KLF10: variants seen among roughly 807,000 people sequenced by gnomAD.
The protein encoded by KLF10 is KLF transcription factor 10, also known as Krueppel-like factor 10.
Under a neutral mutation model 31.6 loss-of-function variants are expected in KLF10, and 17 were observed. That is an observed-to-expected ratio of 0.54 (90% CI 0.37 to 0.81). The LOEUF (loss-of-function observed/expected upper bound fraction) is 0.81. Ranked by LOEUF, KLF10 falls within the 30% of genes least tolerant of loss-of-function variation. The pLI is 0.00. For missense variants in KLF10, 525 were observed against 598.1 expected, an observed-to-expected ratio of 0.88 and a Z score of 1.27; for synonymous variants, 239 against 215.1, an observed-to-expected ratio of 1.11 and a Z score of -0.97.
rs750771704 is a variant in KLF10 at position 102,650,407 on chromosome 8, A to C, written c.1184-16T>G. The C allele has an allele frequency of 1.6e-5, 25 of 1,607,564 alleles. No individual in the cohort carries two copies. Among genetic ancestry groups the C allele is most frequent in the Admixed American group, 1.0e-4 (6 of 59,674 alleles). ...GGCTTTTCTCCTAAAACAAAGACAT[A>C]CAAATCATTATTATGCATAAGATTG... is the stretch of plus-strand genomic sequence containing the variant. On this transcript the variant is annotated splice_polypyrimidine_tract_variant and intron_variant, in intron 3 of 3. Coordinates refer to ENST00000285407, the MANE Select transcript of KLF10 (RefSeq NM_005655.4).
chr8:102,655,585 G>A lies in KLF10; in HGVS notation c.17C>T (p.Ala6Val). 1 of 1,614,166 alleles carries A rather than the reference G, an allele frequency of 6.2e-7. No individual in the cohort carries two copies. Among genetic ancestry groups the A allele is most frequent in the Non-Finnish European group, 8.5e-7 (1 of 1,180,002 alleles). Residue 6 changes from alanine to valine, a missense_variant, in exon 1 of 4, where the codon GCC becomes GTC. This residue lies in a region of KLF10 where 434 missense variants were observed against 450.7 expected (regional missense o/e 0.96). Transcript: ENST00000285407. MLNFGASLQQTAEERM... is the reference protein window; with the variant it reads MLNFGVSLQQTAEERM... ...ACTTACCGCAGTCTGCTGGAGAGAG[G>A]CACCGAAGTTGAGCATGGTTGGCTG...
At position 102,651,990 on chromosome 8, in the gene KLF10, T is replaced by C. The variant is rs1587834520; in HGVS notation, c.342A>G (p.Pro114=). The change falls in exon 3 of 4, where the codon CCA becomes CCG. Residue 114 remains proline, a synonymous_variant. Coordinates refer to ENST00000285407, the MANE Select transcript of KLF10 (RefSeq NM_005655.4). Reference sequence around the variant, plus strand: ...AGAGTGACTTGAAGTGTACAGTAGATGGCGCTGGTGCCATCAGATTTGACA... The same window carrying C: ...AGAGTGACTTGAAGTGTACAGTAGACGGCGCTGGTGCCATCAGATTTGACA... ...SQVSNLMAPA[P]STVHFKSLSD... 6 of 1,613,886 alleles carry C rather than the reference T, an allele frequency of 3.7e-6. No individual in the cohort carries two copies. The East Asian group carries it at 1.3e-4, about 36-fold the overall frequency.
intron 1 of KLF10, chr8:102,653,987 G>C (rs983994173): frequency 1.0e-6 from 1 of 985,290 alleles, no homozygotes; most frequent in Non-Finnish European, 1.2e-6. Context: ...TGAGTCACTG[G>C]GAACATTCCT....
Position 102,655,569 on chromosome 8 carries a change from A to G in KLF10, c.33T>C (p.Thr11=). 2 of 1,614,158 alleles carry G rather than the reference A, an allele frequency of 1.2e-6. No homozygotes were observed. Among genetic ancestry groups the G allele is most frequent in the Non-Finnish European group, 1.7e-6 (2 of 1,180,008 alleles). The change falls in exon 1 of 4, where the codon ACT becomes ACC. Residue 11 remains threonine, a synonymous_variant. Transcript: ENST00000285407. The part of the protein sequence containing the change: MLNFGASLQQ[T]AEERMEMISE... Reference sequence around the variant, plus strand: ...GGGGCATCCCCAAATGACTTACCGCAGTCTGCTGGAGAGAGGCACCGAAGT... The same window carrying G: ...GGGGCATCCCCAAATGACTTACCGCGGTCTGCTGGAGAGAGGCACCGAAGT...
chr8:102,653,657 T>A (rs2131082979), intron 1 of KLF10: 7 of 1,317,498 alleles, frequency 5.3e-6, no homozygotes, highest in Admixed American at 4.0e-5. Context: ...GAAATATCGC[T>A]AACAATATAA....
chr8:102,652,186 T>C lies in KLF10; in HGVS notation c.248A>G (p.Asp83Gly), dbSNP rs1827232339. ...TACAAATGCTGGGATTGTATGAAAA[T>C]CAGGTGTTCCCGGAAGCAGATTCTC... Reference protein sequence around the residue: ...EEENLLPGTPDFHTIPAFCLT... With the variant: ...EEENLLPGTPGFHTIPAFCLT... The change falls in exon 2 of 4, where the codon GAT becomes GGT. Residue 83 changes from aspartate (D) to glycine (G), a missense_variant. By Grantham distance (94) the Asp-to-Gly change is moderately conservative. Coordinates refer to ENST00000285407, the MANE Select transcript of KLF10 (RefSeq NM_005655.4). The C allele has an allele frequency of 4.4e-6, 7 of 1,599,500 alleles. No homozygotes were observed. Among genetic ancestry groups the C allele is most frequent in the Admixed American group, 1.7e-5 (1 of 59,012 alleles).
At position 102,652,018 on chromosome 8, in the gene KLF10, T is replaced by G. The variant is rs1242467104; in HGVS notation, c.314A>C (p.Gln105Pro). 1 of 1,612,668 alleles carries G rather than the reference T, an allele frequency of 6.2e-7. No homozygotes were observed. The highest frequency in any genetic ancestry group is 1.7e-5 in the Admixed American group (1 of 59,684). ...CGCTGGTGCCATCAGATTTGACACT[T>G]GAGAGGGTTCAAAGTCAGAAGGACT... is the stretch of plus-strand genomic sequence containing the variant. ...PYSPSDFEPSQVSNLMAPAPS... is the reference protein window; with the variant it reads ...PYSPSDFEPSPVSNLMAPAPS... The change falls in exon 3 of 4, where the codon CAA becomes CCA. Residue 105 changes from glutamine to proline, a missense_variant. Physicochemically the swap from Gln to Pro is moderately conservative, Grantham distance 76. Around this residue, in one of 3 missense-constraint regions of KLF10, gnomAD observed 434 missense variants for 450.7 expected, o/e 0.96. Coordinates refer to ENST00000285407, the MANE Select transcript of KLF10 (RefSeq NM_005655.4).
chr8:102,652,221 C>A lies in KLF10; in HGVS notation c.213G>T (p.Leu71Phe). The A allele has an allele frequency of 6.2e-7, 1 of 1,611,452 alleles. No individual in the cohort carries two copies. The highest frequency in any genetic ancestry group is 8.5e-7 in the Non-Finnish European group (1 of 1,178,332). The change falls in exon 2 of 4, where the codon TTG becomes TTT. Residue 71 changes from leucine to phenylalanine, a missense_variant. This residue lies in a region of KLF10 where 434 missense variants were observed against 450.7 expected (regional missense o/e 0.96). Coordinates refer to ENST00000285407, the MANE Select transcript of KLF10 (RefSeq NM_005655.4). ...ENRPVTPVSDLSEEENLLPGT... is the reference protein window; with the variant it reads ...ENRPVTPVSDFSEEENLLPGT... ...CCGGAAGCAGATTCTCTTCCTCTGA[C>A]AAATCAGATACTGGTGTAACAGGTC...
chr8:102,654,910 G>GAGCAACTT (rs1243546862), intron 1 of KLF10, among the ~76,000 whole-genome samples: 1 of 152,110 alleles, frequency 6.6e-6, no homozygotes, highest in African/African-American at 2.4e-5. Flanking sequence ...ACGTCTGGGG[G>GAGCAACTT]AGCAACTCGT....
At position 102,651,195 on chromosome 8, in the gene KLF10, T is replaced by C; in HGVS notation, c.1137A>G (p.Thr379=). Residue 379 remains threonine (T), a synonymous_variant, in exon 3 of 4, where the codon ACA becomes ACG. Transcript: ENST00000285407. Reference sequence around the variant, plus strand: ...CCTTCAGATGGGAACTTTTAAAGTATGTCTTGCCACATCCTGGGTGGCTAC... The same window carrying C: ...CCTTCAGATGGGAACTTTTAAAGTACGTCTTGCCACATCCTGGGTGGCTAC... ...HICSHPGCGK[T]YFKSSHLKAH... 3.3e-6 allele frequency: 5 copies of C among 1,522,302 alleles called. No individual in the cohort carries two copies. The highest frequency in any genetic ancestry group is 2.2e-5 in the Admixed American group (1 of 45,446). 94.3% of individuals were successfully genotyped at this position (1,522,302 alleles called of 1,614,324 possible).
rs1827227764 is a variant in KLF10, at chr8:102,652,063, TAAAGA to T, written c.271-7_271-3del. On this transcript the variant is annotated splice_region_variant and splice_polypyrimidine_tract_variant and intron_variant, in intron 2 of 3. Coordinates refer to ENST00000285407, the MANE Select transcript of KLF10 (RefSeq NM_005655.4). ...AGGACTGTAAGGTGGAGTCAAACAC[TAAAGA>T]AAAGGGAAATACATAGCATGAGAAA... 6.3e-7 allele frequency: 1 copy of T among 1,580,020 alleles called. No individual in the cohort carries two copies. Among genetic ancestry groups the T allele is most frequent in the East Asian group, 2.3e-5 (1 of 44,010 alleles).
At chr8:102,655,527 C>T (rs766343981) in intron 1 of KLF10, 39 bp downstream of exon 1, 3 of 1,613,624 alleles carry the variant, frequency 1.9e-6, no homozygotes, top group Non-Finnish European at 2.5e-6. Context: ...CCAGACAAGA[C>T]CAGGCGAGGA....
In KLF10 at chr8:102,655,604, T is replaced by C. The variant is rs1827347572; in HGVS notation, c.-3A>G. The stretch of plus-strand genomic sequence containing the variant: ...AGAGAGGCACCGAAGTTGAGCATGG[T>C]TGGCTGCTTGGCCGCCGGCGGCAAG... On this transcript the variant is annotated 5_prime_UTR_variant, in exon 1 of 4. Coordinates refer to ENST00000285407, the MANE Select transcript of KLF10 (RefSeq NM_005655.4). 2 of 1,614,024 alleles carry C rather than the reference T, an allele frequency of 1.2e-6. No homozygotes were observed. The highest frequency in any genetic ancestry group is 1.1e-5 in the South Asian group (1 of 91,086).
intron 1 of KLF10, among the ~76,000 whole-genome samples, 159 bp downstream of exon 1, chr8:102,655,407 C>G (rs1342203537): frequency 6.6e-6 from 1 of 152,224 alleles, no homozygotes. Context: ...CTCACTAATG[C>G]CCATAGTCTG....
rs1429413447 is a variant in KLF10, at chr8:102,652,577, TTAGG to T, written c.37-184_37-181del. Reference sequence around the variant, plus strand: ...TACTAAGGAAGTTCAGCTACACTTGTTAGGTAGGTAACCCAAACCTCACAGTAGT... The same window carrying T: ...TACTAAGGAAGTTCAGCTACACTTGTTAGGTAACCCAAACCTCACAGTAGT... On this transcript the variant is annotated intron_variant, in intron 1 of 3. Coordinates refer to ENST00000285407, the MANE Select transcript of KLF10 (RefSeq NM_005655.4). Among the ~76,000 whole-genome samples the T allele has an allele frequency of 2.0e-5, 3 of 152,040 alleles. No homozygotes were observed. In the East Asian group the frequency reaches 5.8e-4, roughly 29 times the overall value.
In KLF10 at chr8:102,650,317, T is replaced by C; in HGVS notation, c.1258A>G (p.Arg420Gly). ...TTCTTCTCACCCGTGTGGGTTCGCC[T>C]GTGTCTGGACAGTTCATCAGAACGG... ...FARSDELSRHRRTHTGEKKFA... is the reference protein window; with the variant it reads ...FARSDELSRHGRTHTGEKKFA... The change falls in exon 4 of 4, where the codon AGG (arginine) becomes GGG (glycine). Residue 420 changes from arginine (R) to glycine (G), a missense_variant. Physicochemically the swap from Arg to Gly is moderately radical, Grantham distance 125 (BLOSUM62 -2). Around this residue, in one of 3 missense-constraint regions of KLF10, gnomAD observed 49 missense variants for 105.0 expected, o/e 0.47. Coordinates refer to ENST00000285407, the MANE Select transcript of KLF10 (RefSeq NM_005655.4). 1 of 1,614,228 alleles carries C rather than the reference T, an allele frequency of 6.2e-7. No homozygotes were observed. The highest frequency in any genetic ancestry group is 8.5e-7 in the Non-Finnish European group (1 of 1,180,042).
At chr8:102,651,043 T>C (rs1827196520) in intron 3 of KLF10, 106 bp downstream of exon 3, 2 of 1,097,226 alleles carry the variant, frequency 1.8e-6, no homozygotes, top group Admixed American at 2.6e-5. Flanking sequence ...TACCATCCTC[T>C]AAACTAGCTA....
chr8:102,651,094 A>G, intron 3 of KLF10, 55 bp downstream of exon 3: 1 of 1,445,078 alleles, frequency 6.9e-7, no homozygotes, highest in Non-Finnish European at 9.2e-7. Flanking sequence ...TAAATGTGTG[A>G]TCACAGCCAA....
At chr8:102,653,955 T>A in intron 1 of KLF10, 2 of 986,842 alleles carry the variant, frequency 2.0e-6, no homozygotes, top group Non-Finnish European at 2.4e-6. Flanking sequence ...GGGGCCGCCC[T>A]AACCTCAATG....
Sources: allele counts gnomAD v4.1 joint callset (sites outside exome capture counted in the v4.1 genomes callset), GRCh38; gene constraint gnomAD v4.1.1; regional missense constraint gnomAD v4.1.1; transcripts MANE v1.5; gene names NCBI Gene and HGNC (gene_info 2026-07-23, HGNC 2026-07-21).